The following SNTG2 variants were observed in gnomAD, a reference collection of about 807,000 sequenced individuals.
SNTG2 encodes syntrophin gamma 2.
Under a neutral mutation model 70.9 loss-of-function variants are expected in SNTG2, and 74 were observed. The ratio of observed to expected loss-of-function variants is 1.04; its 90% CI spans 0.86 to 1.27. The LOEUF is 1.27. SNTG2 is among the 50% of genes most tolerant of loss of function. The probability of loss-of-function intolerance (pLI) is 0.00; values close to 1 mark genes in which losing one functional copy is unlikely to be tolerated. For missense variants in SNTG2, 717 were observed against 690.7 expected (o/e 1.04, Z -0.43); for synonymous variants, 278 against 273.8 (o/e 1.02, Z -0.15).
chr2:953,788 A>G (rs1325018891), intron 1 of SNTG2, among the ~76,000 whole-genome samples: 2 of 152,154 alleles, frequency 1.3e-5, no homozygotes. Context: ...TTTTTTTCCA[A>G]CATGGGATGT....
At chr2:1,259,105 A>G (rs1007972415) in intron 12 of SNTG2, among the ~76,000 whole-genome samples, 3 of 152,184 alleles carry the variant, frequency 2.0e-5, no homozygotes, top group Non-Finnish European at 4.4e-5. Context: ...TATCAATCTT[A>G]TCTATCTAAG....
intron 12 of SNTG2, among the ~76,000 whole-genome samples, chr2:1,248,130 A>G (rs1424408742): frequency 6.6e-6 from 1 of 152,218 alleles, no homozygotes; most frequent in Admixed American, 6.5e-5. Flanking sequence ...ACTTTTTTCC[A>G]TTAAAAGGAA....
intron 9 of SNTG2, among the ~76,000 whole-genome samples, chr2:1,226,685 T>C (rs1675806784): frequency 6.6e-6 from 1 of 152,216 alleles, no homozygotes; most frequent in Non-Finnish European, 1.5e-5. Flanking sequence ...ATCTTAATTT[T>C]CTTCAGCTAT....
intron 2 of SNTG2, among the ~76,000 whole-genome samples, chr2:1,093,784 C>T (rs1229002326): frequency 6.6e-6 from 1 of 152,250 alleles, no homozygotes; most frequent in African/African-American, 2.4e-5. Context: ...AGCTTGGGCT[C>T]CACCGTAATA....
chr2:1,237,671 A>C (rs925483973), intron 9 of SNTG2, among the ~76,000 whole-genome samples: 3 of 152,232 alleles, frequency 2.0e-5, no homozygotes, highest in African/African-American at 7.2e-5. Flanking sequence ...TTCATGTTTC[A>C]TCGAATTAGA....
At chr2:955,400 G>A (rs1182907766) in intron 1 of SNTG2, among the ~76,000 whole-genome samples, 4 of 152,140 alleles carry the variant, frequency 2.6e-5, no homozygotes, top group Non-Finnish European at 5.9e-5. Flanking sequence ...CCTAAATATC[G>A]TGCTTATTGG....
chr2:1,174,292 AT>A (rs1223713698), intron 8 of SNTG2, among the ~76,000 whole-genome samples: 13 of 33,800 alleles, frequency 3.8e-4, no homozygotes, highest in African/African-American at 8.9e-4. Context: ...TTTTATCCAT[AT>A]ATATATATAT....
At chr2:1,012,939 G>C (rs112776508) in intron 1 of SNTG2, among the ~76,000 whole-genome samples, 7 of 52,032 alleles carry the variant, frequency 1.3e-4, no homozygotes, top group Non-Finnish European at 2.5e-4. Flanking sequence ...GAGAAGGGTG[G>C]TCTGTAGAGG....
chr2:1,223,512 A>G (rs2148051933), intron 9 of SNTG2, among the ~76,000 whole-genome samples: 1 of 152,340 alleles, frequency 6.6e-6, no homozygotes. Context: ...TCCTAGCCCC[A>G]CAACCACAGC....
At chr2:1,068,718 A>C (rs1180143555) in intron 1 of SNTG2, among the ~76,000 whole-genome samples, 1 of 152,254 alleles carries the variant, frequency 6.6e-6, no homozygotes. Context: ...TGCTGAAAGC[A>C]CTGAAGAAAC....
intron 7 of SNTG2, among the ~76,000 whole-genome samples, chr2:1,168,446 G>A (rs1016307589): frequency 5.3e-5 from 8 of 152,200 alleles, no homozygotes; most frequent in Non-Finnish European, 1.2e-4. Flanking sequence ...CATCTCTATG[G>A]CACCCCCGCC....
At chr2:1,233,521 G>T (rs529679261) in intron 9 of SNTG2, among the ~76,000 whole-genome samples, 5 of 152,160 alleles carry the variant, frequency 3.3e-5, no homozygotes, top group African/African-American at 1.2e-4. Flanking sequence ...GGCTTTTCCC[G>T]GCAGGAGCCG....
intron 12 of SNTG2, among the ~76,000 whole-genome samples, chr2:1,256,036 A>T (rs1678099865): frequency 6.7e-6 from 1 of 150,250 alleles, no homozygotes; most frequent in Non-Finnish European, 1.5e-5. Context: ...CAGTTAGGCA[A>T]TTTTGTCGTT....
intron 9 of SNTG2, among the ~76,000 whole-genome samples, chr2:1,233,685 G>A (rs747366165): frequency 1.3e-5 from 2 of 152,206 alleles, no homozygotes; most frequent in South Asian, 2.1e-4. Flanking sequence ...TGCTTTGAAC[G>A]TTATTGGAAT....
intron 8 of SNTG2, among the ~76,000 whole-genome samples, chr2:1,194,029 G>T (rs1459998981): frequency 6.6e-6 from 1 of 152,264 alleles, no homozygotes; most frequent in East Asian, 1.9e-4. Flanking sequence ...GGCAGATGAG[G>T]TATGCACTGG....
At chr2:1,250,411 C>G (rs1452640934) in intron 12 of SNTG2, among the ~76,000 whole-genome samples, 8 of 152,060 alleles carry the variant, frequency 5.3e-5, no homozygotes. Context: ...CTATTTATAT[C>G]TCTTTCTATC....
At chr2:1,239,347 G>T (rs1452201551) in intron 10 of SNTG2, among the ~76,000 whole-genome samples, 1 of 152,132 alleles carries the variant, frequency 6.6e-6, no homozygotes, top group African/African-American at 2.4e-5. Context: ...ACCTCCATAG[G>T]TCATTGGGAG....
intron 2 of SNTG2, among the ~76,000 whole-genome samples, chr2:1,087,560 T>C (rs371295466): frequency 3.3e-4 from 51 of 152,262 alleles, no homozygotes; most frequent in African/African-American, 1.2e-3. Flanking sequence ...TTTTCTTCTG[T>C]TTCCTATATG....
Position 1,208,046 on chromosome 2 carries a change from G to A in SNTG2, c.592-1057G>A, listed in dbSNP as rs149036044. On this transcript the variant is annotated intron_variant, in intron 8 of 16. Coordinates refer to ENST00000308624, the MANE Select transcript of SNTG2 (RefSeq NM_018968.4). ...AAGCCCAGGTCTGTTTTCTCACGGC[G>A]CCCCTGCTTACAGAAAGTCTTCTTG... Among the ~76,000 whole-genome samples the A allele has an allele frequency of 4.0e-3, 603 of 152,248 alleles. 5 individuals carry two copies. The highest frequency in any genetic ancestry group is 0.013 in the African/African-American group (530 of 41,552).
Sources: gnomAD v4.1 joint callset for allele counts (sites outside exome capture counted in the v4.1 genomes callset) on GRCh38, gnomAD v4.1.1 for gene constraint, MANE v1.5 for transcripts, NCBI Gene and HGNC (gene_info 2026-07-23, HGNC 2026-07-21) for gene names.